Variants in CREB5 observed in about 807,000 individuals in gnomAD.
CREB5 encodes the protein cyclic AMP-responsive element-binding protein 5.
In CREB5, 19 loss-of-function variants were observed where a neutral mutation model predicts 57.1. The ratio of observed to expected loss-of-function variants is 0.33; its 90% CI spans 0.23 to 0.49. The LOEUF is 0.49. Ranked by LOEUF, CREB5 falls within the 20% of genes least tolerant of loss-of-function variation. The pLI is 0.99. For synonymous variants in CREB5, 238 were observed against 238.3 expected, an observed-to-expected ratio of 1.00 and a Z score of 0.01; for missense variants, 579 against 671.6, an observed-to-expected ratio of 0.86 and a Z score of 1.52.
At chr7:28,395,628 T>C in intron 1 of CREB5, among the ~76,000 whole-genome samples, 1 of 152,170 alleles carries the variant, frequency 6.6e-6, no homozygotes, top group East Asian at 1.9e-4. Context: ...GTGTACTACA[T>C]GCAGTGGGAT....
chr7:28,468,927 T>C (rs1790697077), intron 1 of CREB5, among the ~76,000 whole-genome samples: 1 of 152,218 alleles, frequency 6.6e-6, no homozygotes, highest in Admixed American at 6.5e-5. Flanking sequence ...ACAGATGGGA[T>C]GGAGCTCAAA....
chr7:28,600,874 TAACCCC>T (rs1462239202), intron 5 of CREB5, among the ~76,000 whole-genome samples: 1 of 152,182 alleles, frequency 6.6e-6, no homozygotes, highest in African/African-American at 2.4e-5. Context: ...AATAAATAGC[TAACCCC>T]AGATGAACAC....
intron 5 of CREB5, among the ~76,000 whole-genome samples, chr7:28,614,058 C>T (rs76019381): frequency 0.018 from 2,765 of 152,260 alleles, 91 homozygotes; most frequent in African/African-American, 0.064. Context: ...CTACCAGCCT[C>T]AAGAGATCCT....
chr7:28,541,709 G>T (rs1794218157), intron 4 of CREB5, among the ~76,000 whole-genome samples: 1 of 152,094 alleles, frequency 6.6e-6, no homozygotes, highest in East Asian at 1.9e-4. Context: ...CCTTAGTCCT[G>T]TATCAAAAGA....
At chr7:28,390,179 A>G (rs1787188792) in intron 1 of CREB5, among the ~76,000 whole-genome samples, 2 of 152,092 alleles carry the variant, frequency 1.3e-5, no homozygotes, top group Non-Finnish European at 2.9e-5. Flanking sequence ...GCAATTGATG[A>G]TTGCCTGGGG....
chr7:28,536,732 T>C (rs923019696), intron 4 of CREB5, among the ~76,000 whole-genome samples: 4 of 152,228 alleles, frequency 2.6e-5, no homozygotes, highest in African/African-American at 9.6e-5. Flanking sequence ...CTTGTGAGTG[T>C]TACATGTTGT....
intron 3 of CREB5, among the ~76,000 whole-genome samples, chr7:28,500,841 C>T (rs1461641327): frequency 2.0e-5 from 3 of 152,094 alleles, no homozygotes; most frequent in Non-Finnish European, 2.9e-5. Context: ...CACACACACA[C>T]GTGACCCATA....
chr7:28,527,697 T>A (rs1285708791), intron 4 of CREB5, among the ~76,000 whole-genome samples: 1 of 152,156 alleles, frequency 6.6e-6, no homozygotes, highest in Non-Finnish European at 1.5e-5. Flanking sequence ...GGTGCATGCC[T>A]GTATTCCTAG....
At chr7:28,664,598 C>T (rs1032491034) in intron 5 of CREB5, among the ~76,000 whole-genome samples, 14 of 152,144 alleles carry the variant, frequency 9.2e-5, no homozygotes, top group African/African-American at 3.1e-4. Flanking sequence ...AATTGGAAGA[C>T]ATGATACCTG....
intron 7 of CREB5, among the ~76,000 whole-genome samples, chr7:28,800,317 G>A (rs185011216): frequency 3.2e-4 from 49 of 151,764 alleles, no homozygotes; most frequent in South Asian, 6.2e-4. Context: ...ATTGTGAAAC[G>A]CGAAGGCCCC....
intron 7 of CREB5, among the ~76,000 whole-genome samples, chr7:28,787,880 T>A (rs537707015): frequency 1.3e-5 from 2 of 152,286 alleles, no homozygotes; most frequent in South Asian, 4.1e-4. Flanking sequence ...AACTCTGCTA[T>A]CATCATTGCC....
At chr7:28,697,564 T>C (rs1220773637) in intron 5 of CREB5, among the ~76,000 whole-genome samples, 1 of 151,798 alleles carries the variant, frequency 6.6e-6, no homozygotes, top group Non-Finnish European at 1.5e-5. Flanking sequence ...AGAAATTTCA[T>C]GACATCCATC....
intron 5 of CREB5, among the ~76,000 whole-genome samples, chr7:28,643,774 A>G (rs1798782337): frequency 6.6e-6 from 1 of 151,732 alleles, no homozygotes; most frequent in South Asian, 2.1e-4. Flanking sequence ...AAGAAAAAAA[A>G]AAAACACACA....
intron 1 of CREB5, among the ~76,000 whole-genome samples, chr7:28,327,574 G>A (rs1274410309): frequency 6.6e-6 from 1 of 152,196 alleles, no homozygotes; most frequent in African/African-American, 2.4e-5. Flanking sequence ...TTACTTATTT[G>A]TCTCTGCCCT....
intron 5 of CREB5, among the ~76,000 whole-genome samples, chr7:28,607,592 A>G (rs1168411236): frequency 6.6e-6 from 1 of 152,208 alleles, no homozygotes; most frequent in African/African-American, 2.4e-5. Context: ...TAAATGAAGT[A>G]CACAATGCTC....
intron 1 of CREB5, among the ~76,000 whole-genome samples, chr7:28,480,329 A>G (rs926094532): frequency 6.6e-5 from 10 of 152,212 alleles, no homozygotes; most frequent in Non-Finnish European, 1.3e-4. Flanking sequence ...GCTTTCCACC[A>G]GTATGAAGAA....
At chr7:28,560,966 G>GCA in intron 4 of CREB5, among the ~76,000 whole-genome samples, 1 of 67,204 alleles carries the variant, frequency 1.5e-5, no homozygotes, top group Non-Finnish European at 3.2e-5. Context: ...GTGTGCGTGT[G>GCA]TGTGTGCGTG....
At chr7:28,732,492 CGT>C (rs1803703534) in intron 7 of CREB5, among the ~76,000 whole-genome samples, 1 of 151,998 alleles carries the variant, frequency 6.6e-6, no homozygotes, top group Non-Finnish European at 1.5e-5. Context: ...TGTGAGCACG[CGT>C]GTGTCCCTGT....
At chr7:28,536,621 C>T (rs554692026) in intron 4 of CREB5, among the ~76,000 whole-genome samples, 2 of 152,152 alleles carry the variant, frequency 1.3e-5, no homozygotes, top group African/African-American at 2.4e-5. Context: ...AGGCAAGAGC[C>T]GGTCATCAAT....
Sources: gnomAD v4.1 joint callset for allele counts (sites outside exome capture counted in the v4.1 genomes callset) on GRCh38, gnomAD v4.1.1 for gene constraint, MANE v1.5 for transcripts, NCBI Gene and HGNC (gene_info 2026-07-23, HGNC 2026-07-21) for gene names.